The following PRAG1 variants were observed in gnomAD, a reference collection of about 807,000 sequenced individuals.
The protein encoded by PRAG1 is PEAK1 related, kinase-activating pseudokinase 1.
A neutral mutation model predicts 95.6 loss-of-function variants in PRAG1; 110 were observed. The observed-to-expected ratio is 1.15, with a 90% CI of 0.99 to 1.35. The LOEUF (loss-of-function observed/expected upper bound fraction) is 1.35, where lower values mean the gene tolerates loss of function less well. PRAG1 is among the 40% of genes most tolerant of loss of function. PRAG1 has a pLI of 0.00. For synonymous variants in PRAG1, 1,052 were observed against 819.4 expected (o/e 1.28, Z -4.85); for missense variants, 2,554 against 1,864.7 (o/e 1.37, Z -6.81).
chr8:8,329,520 T>C, intron 4 of PRAG1, among the ~76,000 whole-genome samples: 1 of 151,966 alleles, frequency 6.6e-6, no homozygotes, highest in East Asian at 1.9e-4. Flanking sequence ...TTTCCACACC[T>C]TGGCAGTAGG....
At chr8:8,341,842 T>C (rs572451761) in intron 3 of PRAG1, among the ~76,000 whole-genome samples, 1 of 152,334 alleles carries the variant, frequency 6.6e-6, no homozygotes, top group South Asian at 2.1e-4. Context: ...AATAGAATTA[T>C]AAAATGACGG....
rs1367376580 is a variant in PRAG1 at position 8,376,326 on chromosome 8, C to T, written c.2083G>A (p.Ala695Thr). 14 of 1,614,168 alleles carry T rather than the reference C, an allele frequency of 8.7e-6. No individual in the cohort carries two copies. Among genetic ancestry groups the T allele is most frequent in the South Asian group, 1.1e-5 (1 of 91,084 alleles). Reference sequence around the variant, plus strand: ...TTGGGGAACTCAAAGGCAAAAGAGGCGGATTTGCTCATCCCGGTCCCAACT... The same window carrying T: ...TTGGGGAACTCAAAGGCAAAAGAGGTGGATTTGCTCATCCCGGTCCCAACT... ...SKVGTGMSKSASFAFEFPKDR... is the reference protein window; with the variant it reads ...SKVGTGMSKSTSFAFEFPKDR... The change falls in exon 3 of 6, where the codon GCC becomes ACC. Residue 695 changes from alanine (A) to threonine (T), a missense_variant. By Grantham distance (58) the Ala-to-Thr change is moderately conservative. Transcript: ENST00000615670.
intron 3 of PRAG1, among the ~76,000 whole-genome samples, chr8:8,357,353 C>T (rs1462025192): frequency 6.6e-6 from 1 of 151,822 alleles, no homozygotes; most frequent in African/African-American, 2.4e-5. Flanking sequence ...CCAAACAATC[C>T]AATTAAAAAC....
intron 3 of PRAG1, among the ~76,000 whole-genome samples, chr8:8,346,103 C>A (rs999913630): frequency 4.6e-5 from 7 of 152,152 alleles, no homozygotes; most frequent in African/African-American, 1.7e-4. Context: ...AGATGTGAGG[C>A]CAAAAGACAA....
At chr8:8,346,679 C>T (rs945907536) in intron 3 of PRAG1, among the ~76,000 whole-genome samples, 1 of 152,156 alleles carries the variant, frequency 6.6e-6, no homozygotes. Flanking sequence ...TTCAGAATGC[C>T]CACAATCCTT....
intron 4 of PRAG1, 70 bp from the exon 5 acceptor site, chr8:8,328,531 T>G: frequency 2.3e-6 from 3 of 1,314,834 alleles, no homozygotes; most frequent in Admixed American, 5.6e-5. Context: ...TGCAGACTTG[T>G]TTCCCTTTAT....
chr8:8,357,292 C>T (rs900716875), intron 3 of PRAG1, among the ~76,000 whole-genome samples: 12 of 152,052 alleles, frequency 7.9e-5, no homozygotes, highest in East Asian at 1.9e-4. Context: ...ATCTGATAAG[C>T]GGTTAATATC....
intron 4 of PRAG1, among the ~76,000 whole-genome samples, chr8:8,331,018 C>A (rs1008445292): frequency 6.6e-6 from 1 of 152,170 alleles, no homozygotes; most frequent in East Asian, 1.9e-4. Flanking sequence ...CAGCAGAAAC[C>A]GTCACCAGCG....
At chr8:8,338,500 GA>G (rs1244052301) in intron 4 of PRAG1, among the ~76,000 whole-genome samples, 1 of 152,204 alleles carries the variant, frequency 6.6e-6, no homozygotes, top group Non-Finnish European at 1.5e-5. Context: ...GGAAAAGGAA[GA>G]AGATAAGAGC....
intron 3 of PRAG1, among the ~76,000 whole-genome samples, chr8:8,339,867 T>C (rs1157740617): frequency 1.3e-5 from 2 of 152,190 alleles, no homozygotes; most frequent in Non-Finnish European, 2.9e-5. Flanking sequence ...TCTATTAAAT[T>C]TAAACAAGCA....
At chr8:8,325,570 G>A (rs553634397) in intron 5 of PRAG1, among the ~76,000 whole-genome samples, 13 of 152,086 alleles carry the variant, frequency 8.5e-5, no homozygotes, top group African/African-American at 2.7e-4. Flanking sequence ...GTAATATATG[G>A]GGCCCTAGAA....
rs748991368 is a variant in PRAG1 at position 8,377,974 on chromosome 8, G to C, written c.435C>G (p.Pro145=). ...SFRGVQKPAG[P]STSPDGNSRC... ...GAGAATTGCCATCAGGGGAGGTAGA[G>C]GGACCAGCAGGCTTCTGTACACCTC... Residue 145 remains proline (P), a synonymous_variant, in exon 3 of 6, where the codon CCC becomes CCG. Transcript: ENST00000615670. The C allele has an allele frequency of 8.7e-6, 14 of 1,613,262 alleles. No individual in the cohort carries two copies. The highest frequency in any genetic ancestry group is 3.4e-6 in the Non-Finnish European group (4 of 1,179,790).
chr8:8,384,830 T>C (rs1239847225), intron 1 of PRAG1, among the ~76,000 whole-genome samples: 4 of 152,292 alleles, frequency 2.6e-5, no homozygotes, highest in Middle Eastern at 3.4e-3. Context: ...CCCAGAATTA[T>C]GCAAATCCTC....
chr8:8,344,270 T>G (rs952229297), intron 3 of PRAG1, among the ~76,000 whole-genome samples: 6 of 152,320 alleles, frequency 3.9e-5, no homozygotes, highest in African/African-American at 9.6e-5. Flanking sequence ...GGTATAGTCT[T>G]TTGGTGGGAT....
At chr8:8,342,237 AGGCT>A (rs1799192594) in intron 3 of PRAG1, among the ~76,000 whole-genome samples, 1 of 144,616 alleles carries the variant, frequency 6.9e-6, no homozygotes, top group Non-Finnish European at 1.5e-5. Context: ...TCTGTTGCCC[AGGCT>A]GGAGTGCAGT....
At chr8:8,336,899 A>T (rs1043845380) in intron 4 of PRAG1, among the ~76,000 whole-genome samples, 1 of 25,390 alleles carries the variant, frequency 3.9e-5, no homozygotes, top group Non-Finnish European at 7.2e-5. Context: ...TCCCCTCCCC[A>T]CACCCCTTTC....
At chr8:8,324,084 C>G (rs903792362) in intron 5 of PRAG1, among the ~76,000 whole-genome samples, 1 of 152,164 alleles carries the variant, frequency 6.6e-6, no homozygotes, top group Non-Finnish European at 1.5e-5. Context: ...CAGGCCCAGC[C>G]CAGGGCAAGC....
chr8:8,325,168 C>G (rs1798594435), intron 5 of PRAG1, among the ~76,000 whole-genome samples: 1 of 152,234 alleles, frequency 6.6e-6, no homozygotes, highest in African/African-American at 2.4e-5. Context: ...TTCGTCTAGA[C>G]TGGAGAGCTA....
chr8:8,349,787 G>C (rs1412521614), intron 3 of PRAG1, among the ~76,000 whole-genome samples: 1 of 152,014 alleles, frequency 6.6e-6, no homozygotes, highest in Non-Finnish European at 1.5e-5. Flanking sequence ...CATGGTGCAG[G>C]CCTGTTAATT....
Sources: gnomAD v4.1 joint callset for allele counts (sites outside exome capture counted in the v4.1 genomes callset) on GRCh38, gnomAD v4.1.1 for gene constraint, MANE v1.5 for transcripts, NCBI Gene and HGNC (gene_info 2026-07-23, HGNC 2026-07-21) for gene names.